The following XRRA1 variants were observed in gnomAD, a reference collection of about 807,000 sequenced individuals.
XRRA1 encodes the protein X-ray radiation resistance associated 1, also known as X-ray radiation resistance-associated protein 1.
Under a neutral mutation model 80.2 loss-of-function variants are expected in XRRA1, and 69 were observed. The observed-to-expected ratio is 0.86, with a 90% CI of 0.71 to 1.05. XRRA1 has a LOEUF of 1.05. Among genes scored for constraint, XRRA1 ranks in the 50% least tolerant of loss-of-function variants. The pLI is 0.00. For missense variants in XRRA1, 967 were observed against 976.4 expected (o/e 0.99, Z 0.13); for synonymous variants, 348 against 389.9 (o/e 0.89, Z 1.27).
intron 8 of XRRA1, chr11:74,910,900 T>C (rs1482432770): frequency 6.6e-6 from 1 of 152,408 alleles, no homozygotes; most frequent in Non-Finnish European, 1.5e-5. Context: ...ATGCTCAGGT[T>C]CTAGCCTGGA....
chr11:74,887,127 G>T (rs1454525374), intron 10 of XRRA1, among the ~76,000 whole-genome samples: 1 of 152,150 alleles, frequency 6.6e-6, no homozygotes, highest in Non-Finnish European at 1.5e-5. Flanking sequence ...AAGATAGATA[G>T]CCTAGGAAAT....
At chr11:74,869,352 T>C (rs1232545281) in intron 10 of XRRA1, among the ~76,000 whole-genome samples, 3 of 152,178 alleles carry the variant, frequency 2.0e-5, no homozygotes, top group African/African-American at 7.2e-5. Flanking sequence ...TTTAGGCAGA[T>C]AGGGTAAAAG....
In XRRA1 at chr11:74,842,986, C is replaced by CT; in HGVS notation, c.*213dup. On this transcript the variant is annotated 3_prime_UTR_variant, in exon 19 of 19. Coordinates refer to ENST00000684022, the MANE Select transcript of XRRA1 (RefSeq NM_001378157.1). The stretch of plus-strand genomic sequence containing the variant: ...CAGTCTATTGCCCTGTGCACCCACT[C>CT]TTTATTGCCGCTGGGCCAGGCACCA... 1.6e-6 allele frequency: 1 copy of CT among 621,220 alleles called. No individual in the cohort carries two copies. Among genetic ancestry groups the CT allele is most frequent in the Non-Finnish European group, 2.7e-6 (1 of 364,002 alleles). 38.5% of individuals were successfully genotyped at this position (621,220 alleles called of 1,614,324 possible). A position where few individuals can be genotyped will look rare whatever the true frequency, so the allele number is the denominator to read the frequency against.
intron 10 of XRRA1, among the ~76,000 whole-genome samples, chr11:74,872,671 C>T (rs950139160): frequency 6.6e-6 from 1 of 152,102 alleles, no homozygotes; most frequent in African/African-American, 2.4e-5. Context: ...ATGGAGGTCA[C>T]TGGGTTCAGA....
chr11:74,919,713 C>A, intron 8 of XRRA1: 1 of 499,990 alleles, frequency 2.0e-6, no homozygotes, highest in South Asian at 1.7e-5. Flanking sequence ...GAAGCATGCC[C>A]CTTGAGCACT....
At chr11:74,912,934 G>A (rs2056228548) in intron 8 of XRRA1, among the ~76,000 whole-genome samples, 1 of 152,160 alleles carries the variant, frequency 6.6e-6, no homozygotes, top group Non-Finnish European at 1.5e-5. Flanking sequence ...GGCCTTGTAA[G>A]GATTACTAGA....
chr11:74,916,310 T>A (rs1815133898), intron 8 of XRRA1, among the ~76,000 whole-genome samples: 1 of 152,216 alleles, frequency 6.6e-6, no homozygotes, highest in Admixed American at 6.5e-5. Context: ...TTGGTTTGCT[T>A]GATGGTATCC....
At chr11:74,883,233 G>T (rs577415083) in intron 10 of XRRA1, among the ~76,000 whole-genome samples, 1 of 151,644 alleles carries the variant, frequency 6.6e-6, no homozygotes, top group African/African-American at 2.4e-5. Flanking sequence ...TTTTAAGCCC[G>T]TTGGAAAAGC....
chr11:74,902,439 C>A (rs941818198), intron 10 of XRRA1, among the ~76,000 whole-genome samples: 1 of 151,974 alleles, frequency 6.6e-6, no homozygotes, highest in African/African-American at 2.4e-5. Flanking sequence ...GAAGGGAAAT[C>A]GGTATATCAG....
chr11:74,948,328 G>GA (rs1283259037), intron 1 of XRRA1, among the ~76,000 whole-genome samples: 2 of 144,694 alleles, frequency 1.4e-5, no homozygotes, highest in Non-Finnish European at 3.0e-5. Flanking sequence ...ATACATTTGT[G>GA]AAAAAAATTA....
At chr11:74,873,597 GT>G (rs1315081001) in intron 10 of XRRA1, among the ~76,000 whole-genome samples, 1 of 152,224 alleles carries the variant, frequency 6.6e-6, no homozygotes, top group Non-Finnish European at 1.5e-5. Flanking sequence ...ACCTCTCTGA[GT>G]TTTCCCATCC....
chr11:74,913,193 T>A (rs2056286791), intron 8 of XRRA1, among the ~76,000 whole-genome samples: 1 of 152,150 alleles, frequency 6.6e-6, no homozygotes, highest in Admixed American at 6.6e-5. Context: ...GTAGGAAGTG[T>A]CCAATTGAAA....
intron 14 of XRRA1, 114 bp from the exon 15 acceptor site, chr11:74,848,576 G>A (rs2038930279): frequency 1.6e-5 from 15 of 929,496 alleles, no homozygotes; most frequent in Non-Finnish European, 2.4e-5. Context: ...TACGGACTGA[G>A]GCGGGGGTGG....
At position 74,930,331 on chromosome 11, in the gene XRRA1, A is replaced by G. The variant is rs2139387404; in HGVS notation, c.393T>C (p.Tyr131=). The G allele has an allele frequency of 6.4e-7, 1 of 1,570,896 alleles. No homozygotes were observed. The highest frequency in any genetic ancestry group is 8.6e-7 in the Non-Finnish European group (1 of 1,156,462). ...NDFKHFHSVI[Y]INASENLLPL... ...GCAGCAGGTTTTCTGAGGCATTGAT[A>G]TAAATCACAGAATGAAAATGCTTGA... Residue 131 remains tyrosine (Y), a synonymous_variant, in exon 6 of 19, where the codon TAT becomes TAC. Coordinates refer to ENST00000684022, the MANE Select transcript of XRRA1 (RefSeq NM_001378157.1).
At chr11:74,916,016 A>C (rs989783690) in intron 8 of XRRA1, among the ~76,000 whole-genome samples, 1 of 152,140 alleles carries the variant, frequency 6.6e-6, no homozygotes, top group African/African-American at 2.4e-5. Context: ...TGGCCTTAAA[A>C]GTTTCTGACA....
chr11:74,843,806 C>A (rs763371876), intron 18 of XRRA1, 48 bp downstream of exon 18: 2 of 1,513,960 alleles, frequency 1.3e-6, no homozygotes, highest in Non-Finnish European at 1.8e-6. Flanking sequence ...CTTTAGCCAG[C>A]AGGCGTGAAC....
At chr11:74,873,862 C>T (rs1314012833) in intron 10 of XRRA1, among the ~76,000 whole-genome samples, 2 of 152,062 alleles carry the variant, frequency 1.3e-5, no homozygotes, top group Non-Finnish European at 2.9e-5. Flanking sequence ...CTTCAAGCAA[C>T]TAAGAGGATT....
intron 8 of XRRA1, chr11:74,918,706 T>C (rs1159952539): frequency 6.6e-6 from 1 of 152,230 alleles, no homozygotes; most frequent in African/African-American, 2.4e-5. Context: ...GCCATCTCCT[T>C]AACTACACTT....
chr11:74,886,628 G>A (rs1157745729), intron 10 of XRRA1, among the ~76,000 whole-genome samples: 2 of 151,960 alleles, frequency 1.3e-5, no homozygotes, highest in Non-Finnish European at 2.9e-5. Flanking sequence ...CTGTTAAACT[G>A]GCCATATTGC....
Sources: allele counts gnomAD v4.1 joint callset (sites outside exome capture counted in the v4.1 genomes callset), GRCh38; gene constraint gnomAD v4.1.1; transcripts MANE v1.5; gene names NCBI Gene and HGNC (gene_info 2026-07-23, HGNC 2026-07-21).